Variants in CEP128 observed in about 807,000 individuals in gnomAD.
CEP128 encodes centrosomal protein 128.
CEP128 carries 132 observed loss-of-function variants against 156.7 expected under a neutral mutation model. That is an observed-to-expected ratio of 0.84 (90% CI 0.73 to 0.97). The LOEUF (loss-of-function observed/expected upper bound fraction) is 0.97, where lower values mean the gene tolerates loss of function less well. CEP128 is among the 50% of genes least tolerant of loss of function. CEP128 has a pLI of 0.00. For missense variants in CEP128, 1,252 were observed against 1,281.9 expected (o/e 0.98, Z 0.36); for synonymous variants, 469 against 448.9 (o/e 1.04, Z -0.57).
chr14:80,507,473 T>A (rs369634927), intron 23 of CEP128, among the ~76,000 whole-genome samples: 1 of 152,162 alleles, frequency 6.6e-6, no homozygotes, highest in African/African-American at 2.4e-5. Context: ...ATACTACAGG[T>A]GTGGCTGAAA....
At chr14:80,830,350 G>T in intron 13 of CEP128, 2 of 431,252 alleles carry the variant, frequency 4.6e-6, no homozygotes, top group South Asian at 5.8e-5. Context: ...TATAAAATTA[G>T]GTGCTTTTAA....
intron 19 of CEP128, among the ~76,000 whole-genome samples, chr14:80,592,955 C>A (rs1892145708): frequency 6.6e-6 from 1 of 152,294 alleles, no homozygotes; most frequent in Middle Eastern, 3.4e-3. Flanking sequence ...AACAGTGCTT[C>A]ATGCTAAAAA....
chr14:80,746,307 T>C (rs559278565), intron 18 of CEP128, among the ~76,000 whole-genome samples: 1 of 152,310 alleles, frequency 6.6e-6, no homozygotes, highest in African/African-American at 2.4e-5. Flanking sequence ...AAGAATATAG[T>C]TGGAGGATTC....
intron 21 of CEP128, among the ~76,000 whole-genome samples, chr14:80,550,962 C>A (rs1219242365): frequency 2.0e-5 from 3 of 152,018 alleles, no homozygotes; most frequent in African/African-American, 7.2e-5. Context: ...CATTTCATTT[C>A]TATTCCCATT....
At chr14:80,497,654 A>C in intron 24 of CEP128, 72 bp from the exon 25 acceptor site, 1 of 928,526 alleles carries the variant, frequency 1.1e-6, no homozygotes, top group South Asian at 1.4e-5. Context: ...TTAATTTTGC[A>C]GAAGGTAGTT....
chr14:80,708,189 C>A (rs1304254719), intron 19 of CEP128, among the ~76,000 whole-genome samples: 1 of 152,000 alleles, frequency 6.6e-6, no homozygotes, highest in African/African-American at 2.4e-5. Flanking sequence ...GCGTTATTTA[C>A]TGGAATTTTG....
intron 19 of CEP128, among the ~76,000 whole-genome samples, chr14:80,661,397 T>A (rs1237180737): frequency 6.6e-6 from 1 of 152,098 alleles, no homozygotes; most frequent in Non-Finnish European, 1.5e-5. Flanking sequence ...ATACAGGAGG[T>A]CCTGGCAACC....
chr14:80,782,598 A>G (rs961135500), intron 15 of CEP128, among the ~76,000 whole-genome samples: 1 of 152,030 alleles, frequency 6.6e-6, no homozygotes, highest in Non-Finnish European at 1.5e-5. Flanking sequence ...ATTCACATCA[A>G]TTTCCCCAGA....
chr14:80,714,133 C>A (rs1425494217), intron 19 of CEP128, among the ~76,000 whole-genome samples: 1 of 152,098 alleles, frequency 6.6e-6, no homozygotes, highest in Non-Finnish European at 1.5e-5. Context: ...CAGAAGTGAG[C>A]AGTTATCAAA....
chr14:80,859,115 T>C (rs1246112010), intron 9 of CEP128, among the ~76,000 whole-genome samples: 14 of 149,654 alleles, frequency 9.4e-5, no homozygotes, highest in Admixed American at 5.3e-4. Flanking sequence ...TATTGCGGCA[T>C]TATTCACAAT....
intron 19 of CEP128, among the ~76,000 whole-genome samples, chr14:80,665,690 T>A (rs1895584441): frequency 6.6e-6 from 1 of 152,124 alleles, no homozygotes; most frequent in Admixed American, 6.5e-5. Flanking sequence ...GGGGAGAAAT[T>A]TATAGAGACA....
At chr14:80,812,072 G>A (rs1884587483) in intron 13 of CEP128, among the ~76,000 whole-genome samples, 2 of 152,052 alleles carry the variant, frequency 1.3e-5, no homozygotes, top group South Asian at 2.1e-4. Flanking sequence ...CCTCCAGTAG[G>A]CCACAGTGTC....
At chr14:80,611,349 C>G (rs550419117) in intron 19 of CEP128, among the ~76,000 whole-genome samples, 5 of 149,294 alleles carry the variant, frequency 3.3e-5, no homozygotes, top group Admixed American at 2.0e-4. Context: ...TAAAAAAAAT[C>G]TAAGGTCATT....
intron 16 of CEP128, 134 bp from the exon 17 acceptor site, chr14:80,761,747 A>G: frequency 5.6e-6 from 3 of 537,346 alleles, no homozygotes; most frequent in Non-Finnish European, 9.3e-6. Flanking sequence ...TACTTTACCA[A>G]AATAAAAACA....
intron 19 of CEP128, among the ~76,000 whole-genome samples, chr14:80,601,228 G>A (rs1892568588): frequency 1.3e-5 from 2 of 152,146 alleles, no homozygotes; most frequent in Admixed American, 1.3e-4. Context: ...TGGCAGATGT[G>A]TTTCCTTGTA....
intron 2 of CEP128, among the ~76,000 whole-genome samples, chr14:80,919,650 A>T (rs1884744500): frequency 6.6e-6 from 1 of 152,212 alleles, no homozygotes; most frequent in Non-Finnish European, 1.5e-5. Context: ...AAGTAAAGAT[A>T]CGGGGGCATC....
intron 16 of CEP128, among the ~76,000 whole-genome samples, chr14:80,762,668 G>A (rs1297215902): frequency 6.6e-6 from 1 of 152,140 alleles, no homozygotes; most frequent in Admixed American, 6.5e-5. Context: ...CTTCTCTCAT[G>A]CCTCATCTTC....
chr14:80,647,966 T>G (rs987711362), intron 19 of CEP128, among the ~76,000 whole-genome samples: 1 of 152,116 alleles, frequency 6.6e-6, no homozygotes, highest in South Asian at 2.1e-4. Flanking sequence ...CAACTTCTTA[T>G]TTTCCAAACT....
rs192540421 is a variant in CEP128 at position 80,924,386 on chromosome 14, C to G, written c.-15-7824G>C. Among the ~76,000 whole-genome samples, 1,264 of 152,228 alleles carry G rather than the reference C, an allele frequency of 8.3e-3. 13 individuals carry two copies. The highest frequency in any genetic ancestry group is 0.01 in the Non-Finnish European group (686 of 68,012). ...AACATAATACATTAGGAAACAGAAT[C>G]AGATACTTAAATTGATTTTTCATCA... On this transcript the variant is annotated intron_variant, in intron 2 of 24. Coordinates refer to ENST00000555265, the MANE Select transcript of CEP128 (RefSeq NM_152446.5).
Sources: gnomAD v4.1 joint callset for allele counts (sites outside exome capture counted in the v4.1 genomes callset) on GRCh38, gnomAD v4.1.1 for gene constraint, MANE v1.5 for transcripts, NCBI Gene and HGNC (gene_info 2026-07-23, HGNC 2026-07-21) for gene names.